Variants in PRMT7 observed in about 807,000 individuals in gnomAD.
The protein encoded by PRMT7 is protein arginine methyltransferase 7.
A neutral mutation model predicts 85.4 loss-of-function variants in PRMT7; 75 were observed. The observed-to-expected ratio is 0.88, with a 90% CI of 0.73 to 1.06. The LOEUF is 1.06. PRMT7 is among the 50% of genes least tolerant of loss of function. PRMT7 has a pLI of 0.00. For missense variants in PRMT7, 868 were observed against 915.2 expected, an observed-to-expected ratio of 0.95 and a Z score of 0.67; for synonymous variants, 397 against 359.5, an observed-to-expected ratio of 1.10 and a Z score of -1.18.
At position 68,321,404 on chromosome 16, in the gene PRMT7, T is replaced by C. The variant is rs1439001098; in HGVS notation, c.96-22T>C. On this transcript the variant is annotated intron_variant, in intron 3 of 18. Coordinates refer to ENST00000441236, the MANE Select transcript of PRMT7 (RefSeq NM_019023.5). ...GTGTTGATGTGTATCATGCAAAGGT[T>C]ACTGACTTTTTTGTTTTTTAGGTCA... The C allele has an allele frequency of 2.5e-6, 4 of 1,590,646 alleles. No individual in the cohort carries two copies. The South Asian group carries it at 4.4e-5, about 18-fold the overall frequency.
At chr16:68,347,333 T>C (rs1446374765) in intron 12 of PRMT7, 39 bp downstream of exon 12, 3 of 1,504,688 alleles carry the variant, frequency 2.0e-6, no homozygotes, top group African/African-American at 2.8e-5. Flanking sequence ...TGATGTGGGC[T>C]TGTGAGTTAG....
intron 15 of PRMT7, 59 bp from the exon 16 acceptor site, chr16:68,353,433 T>C (rs758301778): frequency 6.2e-7 from 1 of 1,606,050 alleles, no homozygotes; most frequent in South Asian, 1.1e-5. Context: ...TTGTTCTTGC[T>C]GCCACGCTTC....
At position 68,347,199 on chromosome 16, in the gene PRMT7, T is replaced by G. The variant is rs1194976834; in HGVS notation, c.1192-12T>G. 6.4e-6 allele frequency: 10 copies of G among 1,551,142 alleles called. No individual in the cohort carries two copies. The highest frequency in any genetic ancestry group is 7.8e-6 in the Non-Finnish European group (9 of 1,146,660). ...GAGGAAGCCCTGTGCTGAGCTTGCC[T>G]GTTCCCCGCAGGTGCTGAAGCCAGA... On this transcript the variant is annotated splice_polypyrimidine_tract_variant and intron_variant, in intron 11 of 18. Transcript: ENST00000441236.
At chr16:68,346,526 T>G (rs560044919) in intron 11 of PRMT7, among the ~76,000 whole-genome samples, 1 of 152,244 alleles carries the variant, frequency 6.6e-6, no homozygotes, top group South Asian at 2.1e-4. Flanking sequence ...TGGACACCTT[T>G]GCCTTGTCAG....
intron 4 of PRMT7, chr16:68,321,816 A>G: frequency 5.1e-6 from 1 of 195,552 alleles, no homozygotes; most frequent in East Asian, 1.2e-4. Context: ...TCGCTTAGTA[A>G]TTTTTAAGTG....
downstream of PRMT7, chr16:68,359,371 C>T (rs1309025283): frequency 6.6e-6 from 1 of 152,526 alleles, no homozygotes; most frequent in Admixed American, 6.5e-5. Context: ...TCAGCAGCCC[C>T]TTCCTGGCTC....
intron 6 of PRMT7, among the ~76,000 whole-genome samples, chr16:68,331,855 G>C (rs539859458): frequency 1.3e-5 from 2 of 152,230 alleles, no homozygotes; most frequent in South Asian, 2.1e-4. Flanking sequence ...CATGTTCATA[G>C]TTTTCTATAA....
In PRMT7 at chr16:68,346,216, G is replaced by A. The variant is rs934814700; in HGVS notation, c.1127G>A (p.Arg376Gln). Residue 376 changes from arginine to glutamine, a missense_variant, in exon 11 of 19, where the codon CGG (arginine) becomes CAG (glutamine). Arg to Gln is a conservative substitution (Grantham distance 43). Transcript: ENST00000441236. ...CDCQAHLLWNRPRFGEINDQD... is the reference protein window; with the variant it reads ...CDCQAHLLWNQPRFGEINDQD... ...TGCCAGGCTCACCTGCTCTGGAACC[G>A]GCCTCGGTTTGGAGAGATCAATGAC... 13 of 1,614,074 alleles carry A rather than the reference G, an allele frequency of 8.1e-6. No individual in the cohort carries two copies. The highest frequency in any genetic ancestry group is 1.7e-5 in the Admixed American group (1 of 60,006).
chr16:68,329,416 C>T (rs1373462349), intron 6 of PRMT7: 3 of 326,188 alleles, frequency 9.2e-6, no homozygotes, highest in African/African-American at 4.2e-5. Flanking sequence ...ACAAAACCTA[C>T]ATTTGCTTTA....
chr16:68,323,400 A>C (rs927160136), intron 4 of PRMT7, among the ~76,000 whole-genome samples: 4 of 151,894 alleles, frequency 2.6e-5, no homozygotes, highest in African/African-American at 9.7e-5. Flanking sequence ...TTGTATCTTT[A>C]GTAGAGATGG....
intron 12 of PRMT7, 126 bp downstream of exon 12, chr16:68,347,420 C>G (rs1461235112): frequency 2.7e-6 from 3 of 1,113,490 alleles, no homozygotes; most frequent in African/African-American, 3.1e-5. Flanking sequence ...ACAGCATGCT[C>G]GGGTCAGGGG....
chr16:68,355,318 AGC>A (rs2088187623), intron 16 of PRMT7: 1 of 157,526 alleles, frequency 6.3e-6, no homozygotes, highest in Non-Finnish European at 1.4e-5. Context: ...AGGTGCCCCC[AGC>A]CTGCCGCCAG....
rs2084890237 is a variant in PRMT7 at position 68,337,585 on chromosome 16, G to C, written c.504+14G>C. The C allele has an allele frequency of 3.2e-6, 5 of 1,569,598 alleles. No homozygotes were observed. Among genetic ancestry groups the C allele is most frequent in the Non-Finnish European group, 4.4e-6 (5 of 1,145,148 alleles). ...CATCTCGTGGAGGTAGTAGACGGAG[G>C]GCTCCCTCAGACGTGTCTGTGGTCT... On this transcript the variant is annotated intron_variant, in intron 7 of 18. Coordinates refer to ENST00000441236, the MANE Select transcript of PRMT7 (RefSeq NM_019023.5).
intron 10 of PRMT7, 93 bp from the exon 11 acceptor site, chr16:68,346,052 A>C: frequency 6.4e-7 from 1 of 1,572,398 alleles, no homozygotes; most frequent in Non-Finnish European, 8.6e-7. Context: ...CTAAGCCCTC[A>C]TGCCTACTGG....
rs200782604 is a variant in PRMT7 at position 68,355,796 on chromosome 16, C to G, written c.1724C>G (p.Ser575Cys). The G allele has an allele frequency of 6.2e-7, 1 of 1,611,960 alleles. No homozygotes were observed. The highest frequency in any genetic ancestry group is 2.2e-5 in the East Asian group (1 of 44,808). The stretch of plus-strand genomic sequence containing the variant: ...TGGGAGTACCCATGCCGCAGCCTCT[C>G]CGAGCCCTGGCAGATCCTGACCTTT... Reference protein sequence around the residue: ...PLWEYPCRSLSEPWQILTFDF... With the variant: ...PLWEYPCRSLCEPWQILTFDF... Residue 575 changes from serine (S) to cysteine (C), a missense_variant, in exon 17 of 19, where the codon TCC becomes TGC. By Grantham distance (112) the Ser-to-Cys change is moderately radical. Coordinates refer to ENST00000441236, the MANE Select transcript of PRMT7 (RefSeq NM_019023.5).
intron 6 of PRMT7, among the ~76,000 whole-genome samples, chr16:68,335,236 T>C (rs913458464): frequency 2.0e-5 from 3 of 151,776 alleles, no homozygotes; most frequent in Admixed American, 6.6e-5. Flanking sequence ...ATTTATCTAA[T>C]GTGTGTTGAC....
chr16:68,334,032 A>G (rs545467293), intron 6 of PRMT7, among the ~76,000 whole-genome samples: 1 of 152,282 alleles, frequency 6.6e-6, no homozygotes, highest in South Asian at 2.1e-4. Context: ...TGGCCTCCCA[A>G]AATGCTGGGA....
intron 17 of PRMT7, among the ~76,000 whole-genome samples, chr16:68,356,140 G>A (rs1021014198): frequency 6.6e-6 from 1 of 152,222 alleles, no homozygotes. Context: ...TTGGATCACA[G>A]CTCAGGAAGA....
In PRMT7 at chr16:68,311,042, G is replaced by A. The variant is rs3743741; in HGVS notation, c.-276G>A. Reference sequence around the variant, plus strand: ...TCGACGCTGCGAGGTCCCGCCCCGCGTGCTGGCCGCGGTAAAAGTGGTAGC... The same window carrying A: ...TCGACGCTGCGAGGTCCCGCCCCGCATGCTGGCCGCGGTAAAAGTGGTAGC... On this transcript the variant is annotated 5_prime_UTR_variant, in exon 1 of 19. The change creates a new upstream start codon in the 5' untranslated region. Coordinates refer to ENST00000441236, the MANE Select transcript of PRMT7 (RefSeq NM_019023.5). The A allele has an allele frequency of 1.1e-6, 1 of 951,168 alleles. No homozygotes were observed. The highest frequency in any genetic ancestry group is 1.6e-6 in the Non-Finnish European group (1 of 614,344). 58.9% of individuals were successfully genotyped at this position (951,168 alleles called of 1,614,324 possible).
Sources: gnomAD v4.1 joint callset for allele counts (sites outside exome capture counted in the v4.1 genomes callset) on GRCh38, gnomAD v4.1.1 for gene constraint, MANE v1.5 for transcripts, NCBI Gene and HGNC (gene_info 2026-07-23, HGNC 2026-07-21) for gene names.